Variants in PDE1A observed in about 807,000 individuals in gnomAD.
PDE1A encodes the protein dual specificity calcium/calmodulin-dependent 3',5'-cyclic nucleotide phosphodiesterase 1A.
A neutral mutation model predicts 61.7 loss-of-function variants in PDE1A; 35 were observed. The ratio of observed to expected loss-of-function variants is 0.57; its 90% CI spans 0.43 to 0.75. The LOEUF (loss-of-function observed/expected upper bound fraction) is 0.75. PDE1A is among the 30% of genes least tolerant of loss of function. The probability of loss-of-function intolerance (pLI) is 0.00; values close to 1 mark genes in which losing one functional copy is unlikely to be tolerated. For synonymous variants in PDE1A, 232 were observed against 213.2 expected (o/e 1.09, Z -0.77); for missense variants, 597 against 630.6 (o/e 0.95, Z 0.57).
chr2:182,366,614 A>G (rs1363048470), intron 1 of PDE1A, among the ~76,000 whole-genome samples: 1 of 124,942 alleles, frequency 8.0e-6, no homozygotes, highest in Non-Finnish European at 1.7e-5. Flanking sequence ...GACAATATGA[A>G]ATTGAAAGCT....
chr2:182,265,380 C>T (rs778219654), intron 1 of PDE1A, among the ~76,000 whole-genome samples: 3 of 151,974 alleles, frequency 2.0e-5, no homozygotes, highest in Non-Finnish European at 2.9e-5. Context: ...TAAAGACAGA[C>T]GAAAGGCAAA....
chr2:182,671,483 C>G, the PDE1A span, among the ~76,000 whole-genome samples: 1 of 151,612 alleles, frequency 6.6e-6, no homozygotes, highest in Non-Finnish European at 1.5e-5. Context: ...CCACCACACC[C>G]GGCCTGGATC....
intron 1 of PDE1A, among the ~76,000 whole-genome samples, chr2:182,417,893 A>T (rs1216724368): frequency 3.3e-5 from 5 of 151,714 alleles, no homozygotes; most frequent in South Asian, 2.1e-4. Context: ...ATGTCAATTT[A>T]AAAAAAAATT....
intron 2 of PDE1A, among the ~76,000 whole-genome samples, chr2:182,448,448 G>A (rs1024553848): frequency 5.9e-5 from 9 of 151,762 alleles, no homozygotes; most frequent in African/African-American, 1.5e-4. Flanking sequence ...CACATATCCC[G>A]AAACTCCAAA....
At chr2:182,396,258 A>G (rs1378972552) in intron 1 of PDE1A, among the ~76,000 whole-genome samples, 1 of 152,224 alleles carries the variant, frequency 6.6e-6, no homozygotes, top group Non-Finnish European at 1.5e-5. Context: ...CTTTCCTAGG[A>G]CATCCCTGAA....
the PDE1A span, among the ~76,000 whole-genome samples, chr2:182,562,333 T>C: frequency 2.0e-5 from 3 of 149,704 alleles, no homozygotes; most frequent in South Asian, 2.2e-4. Flanking sequence ...TTGTCTTTGG[T>C]TCTGTTTATA....
intron 13 of PDE1A, among the ~76,000 whole-genome samples, chr2:182,169,944 CCT>C (rs772122359): frequency 4.2e-5 from 5 of 118,994 alleles, no homozygotes; most frequent in Non-Finnish European, 5.7e-5. Context: ...ACACACTCTC[CCT>C]CTCTCTCTTT....
At chr2:182,625,223 G>C in the PDE1A span, among the ~76,000 whole-genome samples, 19,444 of 152,044 alleles carry the variant, frequency 0.13, 1,541 homozygotes, top group African/African-American at 0.22. Context: ...ATCCAGAACT[G>C]TGAGAAATTA....
chr2:182,491,251 C>T (rs140855004), intron 2 of PDE1A, among the ~76,000 whole-genome samples: 1,541 of 152,216 alleles, frequency 0.01, 18 homozygotes, highest in Middle Eastern at 0.027. Context: ...TACATGAATG[C>T]AAGCATGAAA....
the PDE1A span, among the ~76,000 whole-genome samples, chr2:182,672,032 A>G: frequency 3.9e-4 from 60 of 152,270 alleles, no homozygotes; most frequent in African/African-American, 1.3e-3. Flanking sequence ...AAATTGCTAG[A>G]ACATTTAATG....
At chr2:182,355,171 G>C (rs911686726) in intron 1 of PDE1A, among the ~76,000 whole-genome samples, 2 of 151,818 alleles carry the variant, frequency 1.3e-5, no homozygotes, top group African/African-American at 4.8e-5. Context: ...AAAAAGAAAT[G>C]TATATATGTA....
chr2:182,554,277 T>G, the PDE1A span, among the ~76,000 whole-genome samples: 1 of 152,236 alleles, frequency 6.6e-6, no homozygotes, highest in East Asian at 1.9e-4. Context: ...AAATTAAAAC[T>G]AATTTTAAAT....
the PDE1A span, among the ~76,000 whole-genome samples, chr2:182,577,990 AAGGG>A: frequency 8.0e-5 from 11 of 137,616 alleles, no homozygotes; most frequent in African/African-American, 2.6e-4. Context: ...GGAAGGAAGG[AAGGG>A]ACGGAGGGAG....
the PDE1A span, among the ~76,000 whole-genome samples, chr2:182,562,615 G>C: frequency 6.6e-6 from 1 of 152,104 alleles, no homozygotes; most frequent in Non-Finnish European, 1.5e-5. Context: ...GATTGGAATA[G>C]TTTCAGAAGG....
At chr2:182,581,467 GTGTGT>G in the PDE1A span, among the ~76,000 whole-genome samples, 1 of 152,144 alleles carries the variant, frequency 6.6e-6, no homozygotes, top group African/African-American at 2.4e-5. Context: ...AAATGCCCCT[GTGTGT>G]GAGCCCTCCA....
chr2:182,650,611 T>C, the PDE1A span, among the ~76,000 whole-genome samples: 1 of 152,144 alleles, frequency 6.6e-6, no homozygotes, highest in East Asian at 1.9e-4. Context: ...ACAATAATGA[T>C]AAAAATGACA....
At chr2:182,489,070 T>C (rs1055710735) in intron 2 of PDE1A, among the ~76,000 whole-genome samples, 7 of 152,204 alleles carry the variant, frequency 4.6e-5, no homozygotes, top group Non-Finnish European at 1.0e-4. Context: ...GGAGCTATTT[T>C]ATAAAAAGTG....
At chr2:182,272,349 T>C (rs1482058303) in intron 1 of PDE1A, among the ~76,000 whole-genome samples, 2 of 152,190 alleles carry the variant, frequency 1.3e-5, no homozygotes, top group African/African-American at 2.4e-5. Flanking sequence ...AAATTCTTGA[T>C]AATTTTGAGC....
At chr2:182,420,569 T>A (rs1363250864) in intron 1 of PDE1A, among the ~76,000 whole-genome samples, 1 of 152,196 alleles carries the variant, frequency 6.6e-6, no homozygotes, top group Non-Finnish European at 1.5e-5. Context: ...CACATAACTT[T>A]TCAAGCCTAT....
Sources: gnomAD v4.1 joint callset for allele counts (sites outside exome capture counted in the v4.1 genomes callset) on GRCh38, gnomAD v4.1.1 for gene constraint, MANE v1.5 for transcripts, NCBI Gene and HGNC (gene_info 2026-07-23, HGNC 2026-07-21) for gene names.